The following ADGRE1 variants were observed in gnomAD, a reference collection of about 807,000 sequenced individuals.
ADGRE1 encodes the protein EGF-like module receptor 1.
Under a neutral mutation model 102.7 loss-of-function variants are expected in ADGRE1, and 82 were observed. That is an observed-to-expected ratio of 0.80 (90% CI 0.67 to 0.96). ADGRE1 has a LOEUF of 0.96. Ranked by LOEUF, ADGRE1 falls within the 40% of genes least tolerant of loss-of-function variation. The pLI, the probability that ADGRE1 is intolerant of heterozygous loss-of-function variation, is 0.00. For synonymous variants in ADGRE1, 398 were observed against 399.6 expected (o/e 1.00, Z 0.05); for missense variants, 1,032 against 1,085.3 (o/e 0.95, Z 0.69).
At chr19:6,936,047 T>A (rs1436161164) in intron 18 of ADGRE1, among the ~76,000 whole-genome samples, 2 of 152,196 alleles carry the variant, frequency 1.3e-5, no homozygotes, top group Admixed American at 1.3e-4. Flanking sequence ...ATCATCTAGG[T>A]TTTATTGTCA....
At chr19:6,916,470 C>A in intron 12 of ADGRE1, 102 bp downstream of exon 12, 2 of 1,448,866 alleles carry the variant, frequency 1.4e-6, no homozygotes, top group Non-Finnish European at 9.2e-7. Flanking sequence ...TAGTTGAGAA[C>A]CAATGAGGGT....
chr19:6,909,709 G>A (rs566422130), intron 10 of ADGRE1, among the ~76,000 whole-genome samples: 1 of 151,586 alleles, frequency 6.6e-6, no homozygotes, highest in Admixed American at 6.6e-5. Context: ...TTGGTTGGTG[G>A]TTTTTTTTGT....
At chr19:6,889,847 A>G (rs1769484369) in intron 1 of ADGRE1, among the ~76,000 whole-genome samples, 1 of 152,130 alleles carries the variant, frequency 6.6e-6, no homozygotes, top group South Asian at 2.1e-4. Context: ...TCTCTTCCTG[A>G]GAACCAAGTT....
In ADGRE1 at chr19:6,937,351, C is replaced by T; in HGVS notation, c.2490C>T (p.Thr830=). 4 of 1,614,056 alleles carry T rather than the reference C, an allele frequency of 2.5e-6. No individual in the cohort carries two copies. In the South Asian group the frequency reaches 4.4e-5, roughly 18 times the overall value. ...CAGGTGTCATGGCTTACCTGTTCAC[C>T]ATCATCAACAGCCTGCAGGGGGCCT... The part of the protein sequence containing the change: ...PVAGVMAYLF[T]IINSLQGAFI... Residue 830 remains threonine (T), a synonymous_variant, in exon 19 of 21, where the codon ACC becomes ACT. Coordinates refer to ENST00000312053, the MANE Select transcript of ADGRE1 (RefSeq NM_001974.5).
chr19:6,911,222 A>G (rs1182200287), intron 10 of ADGRE1, among the ~76,000 whole-genome samples: 1 of 151,992 alleles, frequency 6.6e-6, no homozygotes, highest in Non-Finnish European at 1.5e-5. Flanking sequence ...TGTCCCGCTT[A>G]CCCCGTGTTT....
At position 6,938,344 on chromosome 19, in the gene ADGRE1, A is replaced by AATT. The variant is rs1555719204; in HGVS notation, c.2655+697_2655+698insTTA. ...AAGAGCGAAACTCCATCTCAAAAAA[A>AATT]AATTAAATAAATATAGATATCTTCA... is the stretch of plus-strand genomic sequence containing the variant. On this transcript the variant is annotated intron_variant, in intron 20 of 20. Coordinates refer to ENST00000312053, the MANE Select transcript of ADGRE1 (RefSeq NM_001974.5). 2.8e-4 allele frequency among the ~76,000 whole-genome samples: 42 copies of AATT among 151,486 alleles called. No individual in the cohort carries two copies. The East Asian group carries it at 6.6e-3, about 24-fold the overall frequency.
At chr19:6,907,475 G>A (rs1339872179) in intron 9 of ADGRE1, among the ~76,000 whole-genome samples, 1 of 152,016 alleles carries the variant, frequency 6.6e-6, no homozygotes, top group African/African-American at 2.4e-5. Flanking sequence ...AAATAGCTGG[G>A]ACTACAGGCA....
At chr19:6,898,606 A>G (rs764841361) in intron 5 of ADGRE1, 177 of 1,455,158 alleles carry the variant, frequency 1.2e-4, no homozygotes, top group Middle Eastern at 1.8e-4. Flanking sequence ...GTCCCTCACC[A>G]GCAGCGTCTG....
chr19:6,903,822 G>A lies in ADGRE1; in HGVS notation c.674G>A (p.Cys225Tyr). 1 of 1,614,034 alleles carries A rather than the reference G, an allele frequency of 6.2e-7. No homozygotes were observed. Among genetic ancestry groups the A allele is most frequent in the Non-Finnish European group, 8.5e-7 (1 of 1,179,972 alleles). ...CTGTACCCCACAGATATTGATGAATGCACTGAAATGTGCCCCATCAATTCA... is the reference window on the plus strand; with the variant it reads ...CTGTACCCCACAGATATTGATGAATACACTGAAATGTGCCCCATCAATTCA... ...LKASCEDIDE[C>Y]TEMCPINSTC... The change falls in exon 7 of 21, where the codon TGC becomes TAC. Residue 225 changes from cysteine (C) to tyrosine (Y), a missense_variant. By Grantham distance (194) the Cys-to-Tyr change is radical (BLOSUM62 -2). Transcript: ENST00000312053.
At position 6,924,791 on chromosome 19, in the gene ADGRE1, C is replaced by T. The variant is rs372872953; in HGVS notation, c.1905C>T (p.Thr635=). 3 of 1,614,020 alleles carry T rather than the reference C, an allele frequency of 1.9e-6. No homozygotes were observed. The highest frequency in any genetic ancestry group is 2.7e-5 in the African/African-American group (2 of 74,892). Residue 635 remains threonine (T), a synonymous_variant, in exon 15 of 21, where the codon ACC becomes ACT. Transcript: ENST00000312053. ...LLCRSIRNHN[T]YLHLHLCVCL... ...GTCGCTCCATCCGAAATCACAACACCTACCTCCACCTGCACCTCTGCGTGT... is the reference window on the plus strand; with the variant it reads ...GTCGCTCCATCCGAAATCACAACACTTACCTCCACCTGCACCTCTGCGTGT...
At chr19:6,909,625 T>C (rs1338653523) in intron 10 of ADGRE1, among the ~76,000 whole-genome samples, 2 of 152,166 alleles carry the variant, frequency 1.3e-5, no homozygotes, top group Non-Finnish European at 1.5e-5. Context: ...CACATTCTCA[T>C]TGCTGTATAT....
chr19:6,913,002 A>G (rs969957794), intron 10 of ADGRE1, among the ~76,000 whole-genome samples: 20 of 151,662 alleles, frequency 1.3e-4, no homozygotes, highest in African/African-American at 4.8e-4. Context: ...TGGAGTGATC[A>G]TAGCTCACTG....
At chr19:6,899,432 A>G (rs191678160) in intron 5 of ADGRE1, among the ~76,000 whole-genome samples, 1 of 152,302 alleles carries the variant, frequency 6.6e-6, no homozygotes, top group Admixed American at 6.5e-5. Context: ...TAATACCAGC[A>G]CTTTGGGAGG....
At chr19:6,889,557 T>C (rs868488798) in intron 1 of ADGRE1, among the ~76,000 whole-genome samples, 2 of 151,170 alleles carry the variant, frequency 1.3e-5, no homozygotes, top group Middle Eastern at 3.4e-3. Context: ...GGCGTGGTGG[T>C]GCGTGCTTGT....
chr19:6,904,224 T>C (rs1183299296), intron 8 of ADGRE1, 42 bp downstream of exon 8: 9 of 1,600,240 alleles, frequency 5.6e-6, no homozygotes, highest in Non-Finnish European at 7.7e-6. Context: ...AATCTGTTTC[T>C]GGCTTTGGTT....
At position 6,931,275 on chromosome 19, in the gene ADGRE1, G is replaced by A. The variant is rs117478839; in HGVS notation, c.2289+3064G>A. Among the ~76,000 whole-genome samples, 29 of 152,210 alleles carry A rather than the reference G, an allele frequency of 1.9e-4. No homozygotes were observed. In the East Asian group the frequency reaches 5.2e-3, roughly 27 times the overall value. ...GCTTGAAATTATATTCCTCCACAGAGGTTTTGTGCTGATGTCTATCAGATT... is the reference window on the plus strand; with the variant it reads ...GCTTGAAATTATATTCCTCCACAGAAGTTTTGTGCTGATGTCTATCAGATT... On this transcript the variant is annotated intron_variant, in intron 17 of 20. Coordinates refer to ENST00000312053, the MANE Select transcript of ADGRE1 (RefSeq NM_001974.5).
rs1167009566 is a variant in ADGRE1, at chr19:6,901,895, C to G, written c.535C>G (p.Pro179Ala). 1.9e-6 allele frequency: 3 copies of G among 1,614,170 alleles called. No homozygotes were observed. Among genetic ancestry groups the G allele is most frequent in the Non-Finnish European group, 2.5e-6 (3 of 1,180,022 alleles). Reference sequence around the variant, plus strand: ...TTCAGACGTGGATGAATGTGCAGATCCAAGAGCTTGCCCAGAGCATGCAAC... The same window carrying G: ...TTCAGACGTGGATGAATGTGCAGATGCAAGAGCTTGCCCAGAGCATGCAAC... ...TCEDVDECAD[P>A]RACPEHATCN... The change falls in exon 6 of 21, where the codon CCA (proline) becomes GCA (alanine). Residue 179 changes from proline (P) to alanine (A), a missense_variant. Physicochemically the swap from Pro to Ala is conservative, Grantham distance 27. Transcript: ENST00000312053.
chr19:6,889,316 GTGA>G (rs906753472), intron 1 of ADGRE1, among the ~76,000 whole-genome samples: 1 of 151,866 alleles, frequency 6.6e-6, no homozygotes, highest in African/African-American at 2.4e-5. Context: ...GATGATGATG[GTGA>G]TGATGATAGT....
At position 6,902,000 on chromosome 19, in the gene ADGRE1, G is replaced by A. The variant is rs771611173; in HGVS notation, c.640G>A (p.Gly214Ser). 1 of 1,614,106 alleles carries A rather than the reference G, an allele frequency of 6.2e-7. No homozygotes were observed. Among genetic ancestry groups the A allele is most frequent in the Non-Finnish European group, 8.5e-7 (1 of 1,180,002 alleles). The change falls in exon 6 of 21, where the codon GGT becomes AGT. Residue 214 changes from glycine (G) to serine (S), a missense_variant. Transcript: ENST00000312053. The stretch of plus-strand genomic sequence containing the variant: ...CAGCAGTGGCCACTTGAGTTTCCAG[G>A]GTCTCAAAGCATCGTGTGAAGGTAG... ...ESSSGHLSFQ[G>S]LKASCEDIDE...
Sources: gnomAD v4.1 joint callset for allele counts (sites outside exome capture counted in the v4.1 genomes callset) on GRCh38, gnomAD v4.1.1 for gene constraint, MANE v1.5 for transcripts, NCBI Gene and HGNC (gene_info 2026-07-23, HGNC 2026-07-21) for gene names.